Variants in CNTNAP2 observed in about 807,000 individuals in gnomAD.
CNTNAP2 encodes the protein contactin-associated protein-like 2.
In CNTNAP2, 98 loss-of-function variants were observed where a neutral mutation model predicts 155.2. That is an observed-to-expected ratio of 0.63 (90% confidence interval 0.54 to 0.75). CNTNAP2 has a LOEUF of 0.75. Among genes scored for constraint, CNTNAP2 ranks in the 30% least tolerant of loss-of-function variants. The pLI is 0.00. For synonymous variants in CNTNAP2, 651 were observed against 631.2 expected, an observed-to-expected ratio of 1.03 and a Z score of -0.47; for missense variants, 1,727 against 1,688.1, an observed-to-expected ratio of 1.02 and a Z score of -0.40.
chr7:146,713,195 A>C (rs137875405), intron 1 of CNTNAP2, among the ~76,000 whole-genome samples: 1 of 152,226 alleles, frequency 6.6e-6, no homozygotes, highest in East Asian at 1.9e-4. Context: ...AAGAATTAAC[A>C]GAATGAGAAA....
chr7:147,350,136 A>G (rs2116876687), intron 9 of CNTNAP2, among the ~76,000 whole-genome samples: 1 of 152,056 alleles, frequency 6.6e-6, no homozygotes, highest in Non-Finnish European at 1.5e-5. Flanking sequence ...GAGAGGTGTT[A>G]TAGAAATAAC....
intron 2 of CNTNAP2, among the ~76,000 whole-genome samples, chr7:146,807,830 T>G (rs1802995308): frequency 6.6e-6 from 1 of 152,152 alleles, no homozygotes; most frequent in African/African-American, 2.4e-5. Flanking sequence ...ACTCATAGAC[T>G]TTATTCTAAC....
chr7:146,670,796 A>G (rs17590367), intron 1 of CNTNAP2, among the ~76,000 whole-genome samples: 3,624 of 152,242 alleles, frequency 0.024, 40 homozygotes, highest in Middle Eastern at 0.041. Context: ...CATTCTCACT[A>G]TAGTCATAGC....
intron 16 of CNTNAP2, among the ~76,000 whole-genome samples, chr7:148,119,449 G>A (rs900665322): frequency 1.1e-4 from 17 of 152,192 alleles, no homozygotes; most frequent in African/African-American, 2.6e-4. Context: ...GGAGAATGGC[G>A]TAAGTAAACC....
chr7:147,792,977 G>A (rs1188801172), intron 13 of CNTNAP2, among the ~76,000 whole-genome samples: 3 of 151,888 alleles, frequency 2.0e-5, no homozygotes, highest in Middle Eastern at 3.4e-3. Context: ...TGTGTTTATC[G>A]GCCATTTGTT....
chr7:146,180,317 T>C (rs1798532285), intron 1 of CNTNAP2, among the ~76,000 whole-genome samples: 1 of 152,020 alleles, frequency 6.6e-6, no homozygotes, highest in African/African-American at 2.4e-5. Context: ...TTCTTTCCTT[T>C]TCTCTTCCTT....
chr7:148,159,213 C>G (rs557848520), intron 17 of CNTNAP2, among the ~76,000 whole-genome samples: 1 of 152,094 alleles, frequency 6.6e-6, no homozygotes, highest in African/African-American at 2.4e-5. Context: ...GACAATGTTC[C>G]TCTTTCATTT....
chr7:147,654,164 T>C (rs559651556), intron 13 of CNTNAP2, among the ~76,000 whole-genome samples: 2 of 152,342 alleles, frequency 1.3e-5, no homozygotes, highest in South Asian at 2.1e-4. Flanking sequence ...TTATGCTACA[T>C]AGGTCTCTTA....
At chr7:146,778,712 CTAAT>C (rs1186968671) in intron 2 of CNTNAP2, among the ~76,000 whole-genome samples, 3 of 152,198 alleles carry the variant, frequency 2.0e-5, no homozygotes, top group African/African-American at 7.2e-5. Context: ...CATCTGTGCT[CTAAT>C]TGTTTCTCAA....
chr7:148,150,258 A>G (rs1327136310), intron 17 of CNTNAP2, among the ~76,000 whole-genome samples: 1 of 152,144 alleles, frequency 6.6e-6, no homozygotes, highest in East Asian at 1.9e-4. Flanking sequence ...TTAAAAATAC[A>G]AAAATTAGGG....
chr7:146,660,394 A>G (rs776023542), intron 1 of CNTNAP2, among the ~76,000 whole-genome samples: 2 of 152,220 alleles, frequency 1.3e-5, no homozygotes, highest in African/African-American at 4.8e-5. Flanking sequence ...CCTGAGTTCA[A>G]ATCTTCACTA....
intron 1 of CNTNAP2, among the ~76,000 whole-genome samples, chr7:146,523,755 T>C (rs908177148): frequency 6.6e-6 from 1 of 152,172 alleles, no homozygotes; most frequent in Admixed American, 6.6e-5. Context: ...ACAGCAACCC[T>C]GTCGAACTAT....
At chr7:146,571,881 G>A (rs1044244929) in intron 1 of CNTNAP2, among the ~76,000 whole-genome samples, 2 of 151,974 alleles carry the variant, frequency 1.3e-5, no homozygotes, top group African/African-American at 2.4e-5. Flanking sequence ...ACAGGCGCCC[G>A]CCACCACACC....
At chr7:147,441,825 C>CTCTCTCTCTCTCTCTCGA (rs1797640990) in intron 10 of CNTNAP2, among the ~76,000 whole-genome samples, 1 of 135,426 alleles carries the variant, frequency 7.4e-6, no homozygotes, top group East Asian at 2.2e-4. Context: ...CTCTCTCTCT[C>CTCTCTCTCTCTCTCTCGA]TCTCTCTCTC....
At chr7:148,228,658 C>T (rs1188669777) in intron 19 of CNTNAP2, among the ~76,000 whole-genome samples, 1 of 151,666 alleles carries the variant, frequency 6.6e-6, no homozygotes, top group Non-Finnish European at 1.5e-5. Context: ...CCCGTCTCTA[C>T]TAAAAATACC....
intron 14 of CNTNAP2, among the ~76,000 whole-genome samples, chr7:147,942,873 T>TA (rs1223694176): frequency 2.6e-5 from 4 of 151,898 alleles, no homozygotes; most frequent in Non-Finnish European, 5.9e-5. Context: ...CCATTTCTAC[T>TA]AAAAATAAAA....
chr7:147,404,667 T>C (rs1796974511), intron 10 of CNTNAP2, among the ~76,000 whole-genome samples: 2 of 152,214 alleles, frequency 1.3e-5, no homozygotes, highest in Admixed American at 1.3e-4. Context: ...CCATGCTAAC[T>C]CCAGTCTTTC....
intron 13 of CNTNAP2, among the ~76,000 whole-genome samples, chr7:147,693,255 T>TAGTA (rs1796116035): frequency 6.6e-6 from 1 of 152,148 alleles, no homozygotes; most frequent in African/African-American, 2.4e-5. Flanking sequence ...TTTAGTTTTA[T>TAGTA]AGTAAGTTTA....
intron 1 of CNTNAP2, among the ~76,000 whole-genome samples, chr7:146,671,429 T>TCA (rs147594471): frequency 0.024 from 3,501 of 148,348 alleles, 91 homozygotes; most frequent in African/African-American, 0.074. Flanking sequence ...TTTTTGTCAC[T>TCA]CACACACACA....
Sources: allele counts gnomAD v4.1 joint callset (sites outside exome capture counted in the v4.1 genomes callset), GRCh38; gene constraint gnomAD v4.1.1; transcripts MANE v1.5; gene names NCBI Gene and HGNC (gene_info 2026-07-23, HGNC 2026-07-21).